Variants in COMMD10 observed in about 807,000 individuals in gnomAD.
COMMD10 encodes the protein COMM domain-containing protein 10.
Under a neutral mutation model 28.9 loss-of-function variants are expected in COMMD10, and 33 were observed. That is an observed-to-expected ratio of 1.14 (90% CI 0.87 to 1.53). The LOEUF is 1.53. Ranked by LOEUF, COMMD10 falls within the 40% of genes most tolerant of loss-of-function variation. The pLI, the probability that COMMD10 is intolerant of heterozygous loss-of-function variation, is 0.00. For synonymous variants in COMMD10, 110 were observed against 81.7 expected (o/e 1.35, Z -1.87); for missense variants, 310 against 233.4 (o/e 1.33, Z -2.14).
At chr5:116,288,060 C>T (rs1751265953) in intron 5 of COMMD10, among the ~76,000 whole-genome samples, 1 of 151,406 alleles carries the variant, frequency 6.6e-6, no homozygotes, top group African/African-American at 2.4e-5. Flanking sequence ...GTGTTTTTGC[C>T]TGCTGTCCTT....
chr5:116,265,959 CAGTA>C (rs767615571), intron 5 of COMMD10, among the ~76,000 whole-genome samples: 12 of 151,680 alleles, frequency 7.9e-5, no homozygotes, highest in Non-Finnish European at 1.5e-4. Context: ...AAAAAGAAAA[CAGTA>C]AGTCAGTATG....
chr5:116,140,501 C>G (rs1752165513), intron 5 of COMMD10, among the ~76,000 whole-genome samples: 1 of 151,802 alleles, frequency 6.6e-6, no homozygotes, highest in Admixed American at 6.6e-5. Context: ...AACCTTCAAA[C>G]TGTTGTCCTT....
intron 5 of COMMD10, among the ~76,000 whole-genome samples, chr5:116,190,024 T>A (rs747886562): frequency 6.6e-6 from 1 of 152,200 alleles, no homozygotes; most frequent in Non-Finnish European, 1.5e-5. Flanking sequence ...ATGTGACCTA[T>A]GCCTAAGCAA....
intron 5 of COMMD10, among the ~76,000 whole-genome samples, chr5:116,228,617 G>C (rs1177477390): frequency 6.6e-6 from 1 of 151,870 alleles, no homozygotes; most frequent in East Asian, 1.9e-4. Context: ...ATATGGTCCT[G>C]CTGTGATTTT....
intron 5 of COMMD10, among the ~76,000 whole-genome samples, chr5:116,221,000 C>T (rs1032297188): frequency 6.6e-6 from 1 of 151,834 alleles, no homozygotes; most frequent in Non-Finnish European, 1.5e-5. Context: ...TCACAAAGAC[C>T]TTAGATTATA....
chr5:116,260,037 C>T (rs566265678), intron 5 of COMMD10, among the ~76,000 whole-genome samples: 2 of 151,778 alleles, frequency 1.3e-5, no homozygotes, highest in Non-Finnish European at 1.5e-5. Context: ...GTATTATTTT[C>T]CTGCACTATC....
chr5:116,269,823 T>A (rs865797611), intron 5 of COMMD10, among the ~76,000 whole-genome samples: 1 of 151,938 alleles, frequency 6.6e-6, no homozygotes, highest in South Asian at 2.1e-4. Context: ...CTTGCCAGTC[T>A]TACTTCTCTA....
intron 4 of COMMD10, among the ~76,000 whole-genome samples, chr5:116,116,259 T>C (rs1751230586): frequency 6.6e-6 from 1 of 152,210 alleles, no homozygotes; most frequent in African/African-American, 2.4e-5. Flanking sequence ...CTATCTTTTA[T>C]ATGGAGTATA....
At chr5:116,179,914 A>G (rs766806376) in intron 5 of COMMD10, among the ~76,000 whole-genome samples, 7 of 152,126 alleles carry the variant, frequency 4.6e-5, no homozygotes, top group Non-Finnish European at 8.8e-5. Flanking sequence ...GCAGTTTTCT[A>G]TAGAAAATAA....
chr5:116,161,718 C>T (rs1052215435), intron 5 of COMMD10, among the ~76,000 whole-genome samples: 1 of 152,132 alleles, frequency 6.6e-6, no homozygotes, highest in African/African-American at 2.4e-5. Context: ...TAAAGATCTT[C>T]ATCCTCATCA....
intron 5 of COMMD10, among the ~76,000 whole-genome samples, chr5:116,175,478 T>TA (rs1437271603): frequency 2.0e-5 from 3 of 152,108 alleles, no homozygotes; most frequent in East Asian, 3.9e-4. Flanking sequence ...TGGCAGTTCA[T>TA]AAAAAATTAT....
chr5:116,157,068 A>T (rs994776672), intron 5 of COMMD10, among the ~76,000 whole-genome samples: 4 of 152,028 alleles, frequency 2.6e-5, no homozygotes, highest in African/African-American at 9.7e-5. Flanking sequence ...AGGGAACACA[A>T]TTTTGCCGAT....
At chr5:116,175,548 C>T (rs1405737142) in intron 5 of COMMD10, among the ~76,000 whole-genome samples, 1 of 152,094 alleles carries the variant, frequency 6.6e-6, no homozygotes, top group Non-Finnish European at 1.5e-5. Flanking sequence ...AAAAGAATAG[C>T]AAGGACTCAG....
intron 5 of COMMD10, among the ~76,000 whole-genome samples, chr5:116,167,363 G>A (rs767166349): frequency 1.3e-5 from 2 of 152,126 alleles, no homozygotes; most frequent in African/African-American, 2.4e-5. Context: ...CCAAACCTGT[G>A]TTTGATTGGT....
chr5:116,118,726 A>C (rs1167209686), intron 4 of COMMD10, among the ~76,000 whole-genome samples: 7 of 144,520 alleles, frequency 4.8e-5, no homozygotes, highest in Non-Finnish European at 1.1e-4. Context: ...GAATTGCTTT[A>C]GGTTGAAACA....
At chr5:116,221,680 A>G (rs936856510) in intron 5 of COMMD10, among the ~76,000 whole-genome samples, 3 of 152,238 alleles carry the variant, frequency 2.0e-5, no homozygotes, top group African/African-American at 2.4e-5. Context: ...ACTGTGGGCT[A>G]TGCACAGATG....
intron 5 of COMMD10, among the ~76,000 whole-genome samples, chr5:116,162,905 A>G (rs1752965329): frequency 6.6e-6 from 1 of 152,120 alleles, no homozygotes; most frequent in Non-Finnish European, 1.5e-5. Context: ...CAGAGCCCTA[A>G]TATGTATCTG....
At chr5:116,099,574 G>A (rs1422684963) in intron 4 of COMMD10, among the ~76,000 whole-genome samples, 1 of 152,086 alleles carries the variant, frequency 6.6e-6, no homozygotes, top group Non-Finnish European at 1.5e-5. Context: ...CTGTACAATG[G>A]TTTCTTTTTC....
At chr5:116,173,577 G>A (rs879643575) in intron 5 of COMMD10, among the ~76,000 whole-genome samples, 18 of 152,036 alleles carry the variant, frequency 1.2e-4, no homozygotes, top group Non-Finnish European at 2.4e-4. Context: ...CTATAATGAA[G>A]TACTTAGTGT....
Sources: gnomAD v4.1 joint callset for allele counts (sites outside exome capture counted in the v4.1 genomes callset) on GRCh38, gnomAD v4.1.1 for gene constraint, MANE v1.5 for transcripts, NCBI Gene and HGNC (gene_info 2026-07-23, HGNC 2026-07-21) for gene names.